MYO3B: variants seen among roughly 807,000 people sequenced by gnomAD.
MYO3B encodes myosin-IIIb.
In MYO3B, 156 loss-of-function variants were observed where a neutral mutation model predicts 174.6. The ratio of observed to expected loss-of-function variants is 0.89; its 90% CI spans 0.78 to 1.02. The LOEUF (loss-of-function observed/expected upper bound fraction) is 1.02, where lower values mean the gene tolerates loss of function less well. Among genes scored for constraint, MYO3B ranks in the 50% least tolerant of loss-of-function variants. The pLI is 0.00. For synonymous variants in MYO3B, 563 were observed against 569.1 expected, an observed-to-expected ratio of 0.99 and a Z score of 0.15; for missense variants, 1,632 against 1,639.4, an observed-to-expected ratio of 1.00 and a Z score of 0.08.
intron 3 of MYO3B, among the ~76,000 whole-genome samples, chr2:170,209,450 G>A (rs540246876): frequency 1.3e-5 from 2 of 152,296 alleles, no homozygotes; most frequent in South Asian, 4.1e-4. Context: ...GGTCCATTTA[G>A]TTAACTCTTG....
intron 32 of MYO3B, among the ~76,000 whole-genome samples, chr2:170,565,719 T>C (rs896623610): frequency 3.3e-5 from 5 of 152,278 alleles, no homozygotes; most frequent in African/African-American, 4.8e-5. Flanking sequence ...GAAAATGAAG[T>C]CTCCAAGTGA....
rs764276365 is a variant in MYO3B at position 170,652,975 on chromosome 2, T to C, written c.3888-8T>C. On this transcript the variant is annotated splice_region_variant and splice_polypyrimidine_tract_variant and intron_variant, in intron 34 of 34. Transcript: ENST00000408978. ...TTGTTGAAAATCCTGTTGTTTTCTT[T>C]GTTGCAGCCAAATCAAAGTACTTGA... 18 of 1,612,812 alleles carry C rather than the reference T, an allele frequency of 1.1e-5. No individual in the cohort carries two copies. The highest frequency in any genetic ancestry group is 6.7e-5 in the East Asian group (3 of 44,882).
chr2:170,407,926 G>A, intron 22 of MYO3B, 82 bp downstream of exon 22: 1 of 1,534,384 alleles, frequency 6.5e-7, no homozygotes. Context: ...TCTGAATACT[G>A]CCAGGGCTGC....
At chr2:170,362,087 T>A (rs1025963781) in intron 8 of MYO3B, among the ~76,000 whole-genome samples, 2 of 152,198 alleles carry the variant, frequency 1.3e-5, no homozygotes, top group Non-Finnish European at 1.5e-5. Context: ...ATCCTGGGCC[T>A]TGTTTTTGCA....
chr2:170,591,790 A>T (rs1333477295), intron 32 of MYO3B, among the ~76,000 whole-genome samples: 3 of 152,244 alleles, frequency 2.0e-5, no homozygotes, highest in Non-Finnish European at 2.9e-5. Context: ...TACTTCTGCC[A>T]AAAGAATAAT....
chr2:170,364,123 C>T (rs956483218), intron 8 of MYO3B, among the ~76,000 whole-genome samples: 1 of 152,072 alleles, frequency 6.6e-6, no homozygotes, highest in South Asian at 2.1e-4. Context: ...TACAGTGTCC[C>T]CTCAGTCCAC....
chr2:170,241,367 A>C (rs1314531787), intron 7 of MYO3B, among the ~76,000 whole-genome samples: 1 of 152,186 alleles, frequency 6.6e-6, no homozygotes, highest in African/African-American at 2.4e-5. Flanking sequence ...CTTTATACTT[A>C]TGGAAAAAGA....
intron 6 of MYO3B, among the ~76,000 whole-genome samples, chr2:170,218,295 T>C (rs752626768): frequency 1.3e-5 from 2 of 152,208 alleles, no homozygotes; most frequent in African/African-American, 2.4e-5. Context: ...AGAAAAATGC[T>C]GCAATTTCCA....
chr2:170,289,025 T>A (rs982676363), intron 7 of MYO3B, among the ~76,000 whole-genome samples: 3 of 152,170 alleles, frequency 2.0e-5, no homozygotes, highest in Non-Finnish European at 2.9e-5. Flanking sequence ...AATTTGACTA[T>A]GTTGAACCAT....
At chr2:170,505,790 G>T (rs1439784953) in intron 28 of MYO3B, among the ~76,000 whole-genome samples, 1 of 152,248 alleles carries the variant, frequency 6.6e-6, no homozygotes, top group Non-Finnish European at 1.5e-5. Context: ...AGCCCTAGGG[G>T]CTGGAACCTT....
At chr2:170,495,452 A>C (rs1258973031) in intron 25 of MYO3B, among the ~76,000 whole-genome samples, 2 of 152,246 alleles carry the variant, frequency 1.3e-5, no homozygotes, top group African/African-American at 2.4e-5. Context: ...GTCTTTCTGA[A>C]CTAAGCTAGA....
At chr2:170,635,846 T>C (rs911778377) in intron 32 of MYO3B, among the ~76,000 whole-genome samples, 2 of 152,204 alleles carry the variant, frequency 1.3e-5, no homozygotes, top group African/African-American at 4.8e-5. Flanking sequence ...TAATCAATAA[T>C]GTAAACCAAG....
At chr2:170,192,680 C>T (rs1181074492) in intron 1 of MYO3B, among the ~76,000 whole-genome samples, 2 of 151,062 alleles carry the variant, frequency 1.3e-5, no homozygotes, top group East Asian at 1.9e-4. Flanking sequence ...CTTGGTAAAA[C>T]GTTTAATTCT....
intron 29 of MYO3B, among the ~76,000 whole-genome samples, chr2:170,517,952 C>G (rs1452755404): frequency 6.6e-6 from 1 of 151,238 alleles, no homozygotes; most frequent in Non-Finnish European, 1.5e-5. Context: ...TTTTTTCCTT[C>G]TTTCAATATT....
At chr2:170,471,034 T>C (rs1172694968) in intron 25 of MYO3B, among the ~76,000 whole-genome samples, 1 of 151,896 alleles carries the variant, frequency 6.6e-6, no homozygotes, top group Non-Finnish European at 1.5e-5. Context: ...ATTTTCTCAC[T>C]CTATGGGTTG....
intron 29 of MYO3B, among the ~76,000 whole-genome samples, chr2:170,518,255 T>C (rs1688448494): frequency 6.6e-6 from 1 of 152,212 alleles, no homozygotes; most frequent in African/African-American, 2.4e-5. Context: ...TTTTCTACAC[T>C]CCATTTCTAT....
chr2:170,576,260 T>C (rs1321807893), intron 32 of MYO3B, among the ~76,000 whole-genome samples: 4 of 152,202 alleles, frequency 2.6e-5, no homozygotes, highest in Non-Finnish European at 5.9e-5. Flanking sequence ...AGGGGCCTCA[T>C]ATAGTTGAAA....
chr2:170,274,870 C>CT lies in MYO3B; in HGVS notation c.749+38741dup, dbSNP rs202081684. Among the ~76,000 whole-genome samples the CT allele has an allele frequency of 6.0e-4, 92 of 152,182 alleles. 1 individual carries two copies. In the East Asian group the frequency reaches 0.014, roughly 24 times the overall value. ...TAATTTCCTAATCAAAAATCTTTAA[C>CT]TTTTTTTGCATCATTTTACCCAATT... On this transcript the variant is annotated intron_variant, in intron 7 of 34. Transcript: ENST00000408978.
chr2:170,216,461 A>G (rs2092829229), intron 5 of MYO3B, among the ~76,000 whole-genome samples: 2 of 152,220 alleles, frequency 1.3e-5, no homozygotes, highest in African/African-American at 4.8e-5. Flanking sequence ...GCAATCACAT[A>G]ATTAGTAAAA....
Sources: allele counts gnomAD v4.1 joint callset (sites outside exome capture counted in the v4.1 genomes callset), GRCh38; gene constraint gnomAD v4.1.1; transcripts MANE v1.5; gene names NCBI Gene and HGNC (gene_info 2026-07-23, HGNC 2026-07-21).